The following PCCB variants were observed in gnomAD, a reference collection of about 807,000 sequenced individuals.
The protein encoded by PCCB is propionyl-CoA carboxylase subunit beta.
In PCCB, 43 loss-of-function variants were observed where a neutral mutation model predicts 60.7. The ratio of observed to expected loss-of-function variants is 0.71; its 90% CI spans 0.55 to 0.91. PCCB has a LOEUF of 0.91. Among genes scored for constraint, PCCB ranks in the 40% least tolerant of loss-of-function variants. The pLI, the probability that PCCB is intolerant of heterozygous loss-of-function variation, is 0.00. For missense variants in PCCB, 766 were observed against 702.8 expected (o/e 1.09, Z -1.02); for synonymous variants, 276 against 255.9 (o/e 1.08, Z -0.75).
At chr3:136,268,102 ATATATATATATATATATATG>A (rs1448126551) in intron 5 of PCCB, among the ~76,000 whole-genome samples, 15 of 117,620 alleles carry the variant, frequency 1.3e-4, no homozygotes, top group East Asian at 1.2e-3. Flanking sequence ...ATATATATAT[ATATATATATATATATATATG>A]TATATATATA....
intron 5 of PCCB, among the ~76,000 whole-genome samples, chr3:136,268,129 T>TATATATAC (rs1480312494): frequency 1.4e-5 from 2 of 137,942 alleles, no homozygotes; most frequent in Non-Finnish European, 3.1e-5. Context: ...TATGTATATA[T>TATATATAC]ATATATATAT....
chr3:136,264,066 A>G (rs1941901755), intron 5 of PCCB, among the ~76,000 whole-genome samples: 2 of 150,758 alleles, frequency 1.3e-5, no homozygotes, highest in South Asian at 2.1e-4. Context: ...TAGTATGGGA[A>G]CTCCTATATG....
chr3:136,299,108 T>C (rs1934073591), intron 8 of PCCB, among the ~76,000 whole-genome samples: 1 of 152,074 alleles, frequency 6.6e-6, no homozygotes, highest in African/African-American at 2.4e-5. Context: ...CTTGAAGGTA[T>C]TATGGCCCAG....
At chr3:136,296,319 A>AT (rs1406047825) in intron 7 of PCCB, among the ~76,000 whole-genome samples, 6 of 152,052 alleles carry the variant, frequency 3.9e-5, no homozygotes, top group African/African-American at 1.4e-4. Flanking sequence ...GTCTCTGTGG[A>AT]TTTTTTCATT....
intron 7 of PCCB, among the ~76,000 whole-genome samples, chr3:136,296,900 T>A (rs1444814399): frequency 6.6e-6 from 1 of 152,232 alleles, no homozygotes; most frequent in Non-Finnish European, 1.5e-5. Flanking sequence ...GTGCTAGGAA[T>A]ACATCTGTGG....
In PCCB at chr3:136,256,542, A is replaced by AT; in HGVS notation, c.304-8dup. The AT allele has an allele frequency of 6.2e-7, 1 of 1,604,240 alleles. No individual in the cohort carries two copies. Among genetic ancestry groups the AT allele is most frequent in the Non-Finnish European group, 8.5e-7 (1 of 1,171,240 alleles). ...TGGATTTTTTAACCTTTATTTTTGC[A>AT]TTTTTCTGGTAGTTTCCTGGAGACA... On this transcript the variant is annotated splice_polypyrimidine_tract_variant and intron_variant, in intron 2 of 14. Transcript: ENST00000251654.
Position 136,260,530 on chromosome 3 carries a change from T to C in PCCB, c.424T>C (p.Cys142Arg). Residue 142 changes from cysteine (C) to arginine (R), a missense_variant, in exon 4 of 15, where the codon TGC (cysteine) becomes CGC (arginine). Coordinates refer to ENST00000251654, the MANE Select transcript of PCCB (RefSeq NM_000532.5). ...SLSGAHAQKICKIMDQAITVG... is the reference protein window; with the variant it reads ...SLSGAHAQKIRKIMDQAITVG... ...GTCAGGAGCACATGCCCAAAAGATCTGCAAAGTAAGTGTTTAATACTCAAA... is the reference window on the plus strand; with the variant it reads ...GTCAGGAGCACATGCCCAAAAGATCCGCAAAGTAAGTGTTTAATACTCAAA... 6.2e-7 allele frequency: 1 copy of C among 1,612,190 alleles called. No individual in the cohort carries two copies. The highest frequency in any genetic ancestry group is 8.5e-7 in the Non-Finnish European group (1 of 1,178,336).
chr3:136,293,939 T>C (rs1933818939), intron 7 of PCCB, 75 bp downstream of exon 7: 1 of 881,144 alleles, frequency 1.1e-6, no homozygotes, highest in Non-Finnish European at 1.9e-6. Context: ...CTGGTGGCAG[T>C]TTTTAAGAAA....
chr3:136,288,646 T>C lies in PCCB; in HGVS notation c.654+4699T>C, dbSNP rs573822686. On this transcript the variant is annotated intron_variant, in intron 6 of 14. Coordinates refer to ENST00000251654, the MANE Select transcript of PCCB (RefSeq NM_000532.5). ...GGTATAAGCCACAGCACCTGGTCTA[T>C]AAAAATGTTTAGAGACAGGGTCTCA... 2.3e-3 allele frequency among the ~76,000 whole-genome samples: 356 copies of C among 151,838 alleles called. 3 individuals are homozygous for C. Among genetic ancestry groups the C allele is most frequent in the African/African-American group, 7.5e-3 (310 of 41,406 alleles).
intron 6 of PCCB, among the ~76,000 whole-genome samples, chr3:136,287,583 C>T (rs1370127157): frequency 6.6e-6 from 1 of 152,044 alleles, no homozygotes; most frequent in Admixed American, 6.6e-5. Flanking sequence ...CAGGCGTGTG[C>T]CACCACACAC....
Position 136,317,699 on chromosome 3 carries a change from T to C in PCCB, c.1090+635T>C, listed in dbSNP as rs529426928. Among the ~76,000 whole-genome samples the C allele has an allele frequency of 9.2e-5, 14 of 152,310 alleles. No homozygotes were observed. The East Asian group carries it at 2.7e-3, about 29-fold the overall frequency. ...ACTCACCCACTAATCATGAGCTCCA[T>C]GAGGGCAGGGGTGGTGATGTCGTAT... On this transcript the variant is annotated intron_variant, in intron 10 of 14. Transcript: ENST00000251654.
chr3:136,292,134 G>C (rs958020832), intron 6 of PCCB, among the ~76,000 whole-genome samples: 3 of 152,056 alleles, frequency 2.0e-5, no homozygotes, highest in African/African-American at 7.2e-5. Flanking sequence ...AAAACTGTTG[G>C]TTTTTCCCCT....
At chr3:136,281,965 C>T (rs969909823) in intron 5 of PCCB, among the ~76,000 whole-genome samples, 1 of 152,074 alleles carries the variant, frequency 6.6e-6, no homozygotes. Flanking sequence ...AACAAACTAC[C>T]TTTTTAAATC....
At chr3:136,256,672 A>G in intron 3 of PCCB, 49 bp downstream of exon 3, 1 of 1,283,356 alleles carries the variant, frequency 7.8e-7, no homozygotes, top group South Asian at 1.2e-5. Context: ...GGCAGAGCCA[A>G]GAGGAAAATA....
At chr3:136,287,719 A>G (rs1050922390) in intron 6 of PCCB, among the ~76,000 whole-genome samples, 4 of 152,216 alleles carry the variant, frequency 2.6e-5, no homozygotes, top group Non-Finnish European at 5.9e-5. Context: ...TATAGGCATG[A>G]GCCACTGCGC....
chr3:136,299,343 TACAC>T (rs908630694), intron 8 of PCCB, among the ~76,000 whole-genome samples: 3 of 151,990 alleles, frequency 2.0e-5, no homozygotes. Context: ...CATACACACA[TACAC>T]ATGCATACAT....
At chr3:136,259,055 G>C in intron 3 of PCCB, 1 of 835,474 alleles carries the variant, frequency 1.2e-6, no homozygotes, top group Non-Finnish European at 1.6e-6. Flanking sequence ...CTTTTTGAGG[G>C]GGTTTTAGGA....
At chr3:136,292,176 G>A (rs1319913065) in intron 6 of PCCB, among the ~76,000 whole-genome samples, 1 of 151,826 alleles carries the variant, frequency 6.6e-6, no homozygotes, top group Non-Finnish European at 1.5e-5. Context: ...TTGTTAAGAA[G>A]GAGTATCAAC....
chr3:136,304,221 T>C, intron 9 of PCCB, among the ~76,000 whole-genome samples: 1 of 112,998 alleles, frequency 8.8e-6, no homozygotes, highest in African/African-American at 2.6e-5. Context: ...GCGGTGTGAC[T>C]TTGACTCACT....
Sources: allele counts gnomAD v4.1 joint callset (sites outside exome capture counted in the v4.1 genomes callset), GRCh38; gene constraint gnomAD v4.1.1; transcripts MANE v1.5; gene names NCBI Gene and HGNC (gene_info 2026-07-23, HGNC 2026-07-21).